NOL10: variants seen among roughly 807,000 people sequenced by gnomAD.
NOL10 encodes the protein H_NH0074G24.1.
A neutral mutation model predicts 103.5 loss-of-function variants in NOL10; 58 were observed. The ratio of observed to expected loss-of-function variants is 0.56; its 90% CI spans 0.45 to 0.70. NOL10 has a LOEUF of 0.70. NOL10 is among the 30% of genes least tolerant of loss of function. The pLI, the probability that NOL10 is intolerant of heterozygous loss-of-function variation, is 0.00. For missense variants in NOL10, 763 were observed against 807.3 expected (o/e 0.95, Z 0.67); for synonymous variants, 287 against 282.5 (o/e 1.02, Z -0.16).
intron 13 of NOL10, among the ~76,000 whole-genome samples, chr2:10,625,584 C>T (rs1340308210): frequency 1.3e-5 from 2 of 152,168 alleles, no homozygotes; most frequent in African/African-American, 4.8e-5. Context: ...AGAAGGTAAA[C>T]ATATAATCCA....
At chr2:10,627,694 AC>A (rs1208437159) in intron 13 of NOL10, among the ~76,000 whole-genome samples, 38 of 144,704 alleles carry the variant, frequency 2.6e-4, no homozygotes, top group African/African-American at 9.7e-4. Flanking sequence ...AAACAAACAA[AC>A]AAACAAAAAA....
chr2:10,645,229 C>T (rs1308234553), intron 12 of NOL10, among the ~76,000 whole-genome samples: 4 of 152,082 alleles, frequency 2.6e-5, no homozygotes, highest in Admixed American at 6.6e-5. Flanking sequence ...AACTCAAGAG[C>T]GCCTGCTTTT....
At chr2:10,652,217 G>T (rs1214738408) in intron 12 of NOL10, among the ~76,000 whole-genome samples, 1 of 150,988 alleles carries the variant, frequency 6.6e-6, no homozygotes, top group Middle Eastern at 3.4e-3. Context: ...TCCAGCCTGG[G>T]GGACAGAGGG....
At chr2:10,618,759 T>C (rs539440787) in intron 13 of NOL10, among the ~76,000 whole-genome samples, 2 of 152,276 alleles carry the variant, frequency 1.3e-5, no homozygotes, top group African/African-American at 4.8e-5. Context: ...ATTGGAAAGA[T>C]GGTAGGTTTG....
chr2:10,610,146 A>G (rs1186063946), intron 13 of NOL10, among the ~76,000 whole-genome samples: 2 of 152,218 alleles, frequency 1.3e-5, no homozygotes, highest in Non-Finnish European at 2.9e-5. Flanking sequence ...ATTCCTATAC[A>G]AGGGTACACT....
intron 14 of NOL10, among the ~76,000 whole-genome samples, chr2:10,606,873 A>G (rs1320676206): frequency 6.6e-6 from 1 of 151,454 alleles, no homozygotes. Flanking sequence ...AATACTGGTG[A>G]AAAAAAAATC....
chr2:10,656,730 G>A (rs1679863278), intron 11 of NOL10, among the ~76,000 whole-genome samples: 1 of 152,200 alleles, frequency 6.6e-6, no homozygotes, highest in Admixed American at 6.5e-5. Context: ...TCAGGCTGGT[G>A]GGCCGTCCAC....
chr2:10,588,412 T>C (rs1167720269), intron 19 of NOL10, among the ~76,000 whole-genome samples: 5 of 152,218 alleles, frequency 3.3e-5, no homozygotes, highest in African/African-American at 1.2e-4. Context: ...TGCCTCTTTC[T>C]ACATATTTGC....
At position 10,603,122 on chromosome 2, in the gene NOL10, C is replaced by G; in HGVS notation, c.1189G>C (p.Ala397Pro). ...THLIGSPFLR[A>P]YMHGFFMDIR... ...TCCATGAAAAACCCATGCATATATG[C>G]CCGGAGGAAAGGAGATCCAATGAGG... is the stretch of plus-strand genomic sequence containing the variant. Residue 397 changes from alanine to proline, a missense_variant, in exon 15 of 21, where the codon GCA (alanine) becomes CCA (proline). By Grantham distance (27) the Ala-to-Pro change is conservative. Coordinates refer to ENST00000381685, the MANE Select transcript of NOL10 (RefSeq NM_024894.4). The G allele has an allele frequency of 6.2e-7, 1 of 1,611,314 alleles. No individual in the cohort carries two copies. Among genetic ancestry groups the G allele is most frequent in the Non-Finnish European group, 8.5e-7 (1 of 1,178,628 alleles).
chr2:10,603,292 C>T (rs1010366233), intron 14 of NOL10, 135 bp from the exon 15 acceptor site: 5 of 648,116 alleles, frequency 7.7e-6, no homozygotes, highest in Non-Finnish European at 1.4e-5. Context: ...AATTACTAAT[C>T]TTCTTTGATA....
At chr2:10,628,431 G>C (rs1458747699) in intron 13 of NOL10, among the ~76,000 whole-genome samples, 4 of 152,082 alleles carry the variant, frequency 2.6e-5, no homozygotes, top group African/African-American at 9.7e-5. Flanking sequence ...AGCTCTTTTT[G>C]TTATAGATGC....
At chr2:10,629,636 A>G (rs928838526) in intron 13 of NOL10, among the ~76,000 whole-genome samples, 2 of 152,200 alleles carry the variant, frequency 1.3e-5, no homozygotes, top group Non-Finnish European at 2.9e-5. Context: ...CTTCTTATTT[A>G]AACAACCAGA....
At chr2:10,686,283 G>A (rs565294588) in intron 1 of NOL10, among the ~76,000 whole-genome samples, 1 of 152,190 alleles carries the variant, frequency 6.6e-6, no homozygotes, top group Non-Finnish European at 1.5e-5. Flanking sequence ...GGCATGAGGA[G>A]GCAAAGCCTG....
At position 10,583,980 on chromosome 2, in the gene NOL10, A is replaced by G. The variant is rs576923895; in HGVS notation, c.1844+5063T>C. 2.0e-5 allele frequency among the ~76,000 whole-genome samples: 3 copies of G among 152,338 alleles called. No homozygotes were observed. In the South Asian group the frequency reaches 6.2e-4, roughly 32 times the overall value. On this transcript the variant is annotated intron_variant, in intron 19 of 20. Transcript: ENST00000381685. ...GGAATAGATTGGATCCCATTCATCT[A>G]AGCTGTAAGATCGTGGCTTTCCAGT...
intron 20 of NOL10, among the ~76,000 whole-genome samples, chr2:10,574,727 G>A (rs1219702479): frequency 1.3e-5 from 2 of 152,026 alleles, no homozygotes; most frequent in Non-Finnish European, 2.9e-5. Context: ...GTGTGTGTTG[G>A]AGCTTCTAAG....
intron 13 of NOL10, among the ~76,000 whole-genome samples, chr2:10,631,771 A>G (rs1302344158): frequency 2.0e-5 from 3 of 150,892 alleles, no homozygotes; most frequent in African/African-American, 7.3e-5. Context: ...CTGGAGTGCA[A>G]TGGCACGACC....
At chr2:10,616,466 C>T (rs372512131) in intron 13 of NOL10, among the ~76,000 whole-genome samples, 3 of 152,196 alleles carry the variant, frequency 2.0e-5, no homozygotes, top group Admixed American at 6.5e-5. Context: ...GTGATCCGCC[C>T]GCCTTGGCCT....
chr2:10,587,070 T>TATATATATAC (rs1558269946), intron 19 of NOL10, among the ~76,000 whole-genome samples: 3 of 54,766 alleles, frequency 5.5e-5, no homozygotes, highest in Non-Finnish European at 4.3e-5. Context: ...TATATATACA[T>TATATATATAC]ATATATACAT....
rs558250441 is a variant in NOL10 at position 10,635,238 on chromosome 2, T to C, written c.1026+9082A>G. Among the ~76,000 whole-genome samples the C allele has an allele frequency of 2.6e-5, 4 of 152,354 alleles. No homozygotes were observed. The South Asian group carries it at 8.3e-4, about 32-fold the overall frequency. On this transcript the variant is annotated intron_variant, in intron 13 of 20. Coordinates refer to ENST00000381685, the MANE Select transcript of NOL10 (RefSeq NM_024894.4). The stretch of plus-strand genomic sequence containing the variant: ...GTCTCATGTTTGGATTTTCCACTTG[T>C]GGAGTCATGTTGGCACTCAAAAGAG...
Sources: allele counts gnomAD v4.1 joint callset (sites outside exome capture counted in the v4.1 genomes callset), GRCh38; gene constraint gnomAD v4.1.1; transcripts MANE v1.5; gene names NCBI Gene and HGNC (gene_info 2026-07-23, HGNC 2026-07-21).